The following FAIM2 variants were observed in gnomAD, a reference collection of about 807,000 sequenced individuals.
The protein encoded by FAIM2 is protein lifeguard 2.
Under a neutral mutation model 47.4 loss-of-function variants are expected in FAIM2, and 27 were observed. The ratio of observed to expected loss-of-function variants is 0.57; its 90% confidence interval spans 0.42 to 0.78. The LOEUF (loss-of-function observed/expected upper bound fraction) is 0.78, where lower values mean the gene tolerates loss of function less well. FAIM2 is among the 30% of genes least tolerant of loss of function. The pLI is 0.00. For synonymous variants in FAIM2, 156 were observed against 159.3 expected (o/e 0.98, Z 0.16); for missense variants, 311 against 389.4 (o/e 0.80, Z 1.69).
chr12:49,902,761 C>T (rs1946989989), intron 1 of FAIM2: 2 of 151,932 alleles, frequency 1.3e-5, no homozygotes, highest in African/African-American at 4.8e-5. Flanking sequence ...AGTTCAGCCT[C>T]CACCCTGCCA....
chr12:49,892,173 G>A (rs1461965543), intron 5 of FAIM2, among the ~76,000 whole-genome samples: 1 of 151,952 alleles, frequency 6.6e-6, no homozygotes, highest in Non-Finnish European at 1.5e-5. Flanking sequence ...AGCTCCCTTG[G>A]ATCCCTGCCT....
At position 49,867,869 on chromosome 12, in the gene FAIM2, G is replaced by GCTGCCTACACTGTGGTAC. The variant is rs1354672681; in HGVS notation, c.*2617_*2634dup. The GCTGCCTACACTGTGGTAC allele has an allele frequency of 6.6e-6, 1 of 152,330 alleles. No individual in the cohort carries two copies. The highest frequency in any genetic ancestry group is 1.9e-4 in the East Asian group (1 of 5,196). The allele number at this position is 152,330 out of a possible 1,614,324, so 9.4% of individuals were successfully genotyped here. The stretch of plus-strand genomic sequence containing the variant: ...ACGCATAGACTTTGGCCCTGACCCT[G>GCTGCCTACACTGTGGTAC]CTGCCTACACTGTGGTACCTGCCAC... On this transcript the variant is annotated 3_prime_UTR_variant, in exon 12 of 12. Coordinates refer to ENST00000320634, the MANE Select transcript of FAIM2 (RefSeq NM_012306.4).
chr12:49,898,071 G>A lies in FAIM2; in HGVS notation c.231C>T (p.Asp77=), dbSNP rs776537789. ...YVDPSSSSSY[D]NGFPTGDHEL... ...CATGGTCTCCGGTGGGGAAACCGTTGTCATAGCTGGAGCTGCTGCCTGTGT... is the reference window on the plus strand; with the variant it reads ...CATGGTCTCCGGTGGGGAAACCGTTATCATAGCTGGAGCTGCTGCCTGTGT... Residue 77 remains aspartate (D), a synonymous_variant, in exon 3 of 12, where the codon GAC becomes GAT. Coordinates refer to ENST00000320634, the MANE Select transcript of FAIM2 (RefSeq NM_012306.4). The A allele has an allele frequency of 6.2e-7, 1 of 1,613,932 alleles. No homozygotes were observed. The highest frequency in any genetic ancestry group is 8.5e-7 in the Non-Finnish European group (1 of 1,179,810).
chr12:49,873,464 T>C lies in FAIM2; in HGVS notation c.802-2811A>G, dbSNP rs145905336. On this transcript the variant is annotated intron_variant, in intron 11 of 11. Transcript: ENST00000320634. Reference sequence around the variant, plus strand: ...AAGCAGAAGGCCCAGTGCAAATGCTTTGGGCCACTTGGCAGTCACAGCTGC... The same window carrying C: ...AAGCAGAAGGCCCAGTGCAAATGCTCTGGGCCACTTGGCAGTCACAGCTGC... Among the ~76,000 whole-genome samples the C allele has an allele frequency of 9.2e-4, 140 of 152,218 alleles. 1 individual carries two copies. Among genetic ancestry groups the C allele is most frequent in the African/African-American group, 3.3e-3 (138 of 41,534 alleles).
At chr12:49,887,313 G>C (rs770837123) in intron 11 of FAIM2, 73 bp downstream of exon 11, 3 of 1,357,608 alleles carry the variant, frequency 2.2e-6, no homozygotes, top group Non-Finnish European at 3.1e-6. Flanking sequence ...TGAGGAAGAT[G>C]GGAGGAGAAG....
chr12:49,899,410 C>G (rs1479430037), intron 2 of FAIM2, among the ~76,000 whole-genome samples: 1 of 152,218 alleles, frequency 6.6e-6, no homozygotes, highest in Non-Finnish European at 1.5e-5. Flanking sequence ...TGGCTCCCCA[C>G]TGCCCTTCAC....
chr12:49,890,590 C>G, intron 7 of FAIM2, 93 bp downstream of exon 7: 1 of 1,223,230 alleles, frequency 8.2e-7, no homozygotes, highest in South Asian at 1.2e-5. Context: ...TGGACATCCC[C>G]AGCCCAGTCT....
chr12:49,898,800 T>G (rs148539133), intron 2 of FAIM2, among the ~76,000 whole-genome samples: 1 of 152,250 alleles, frequency 6.6e-6, no homozygotes, highest in East Asian at 1.9e-4. Flanking sequence ...AGTGCTGGGA[T>G]TACAGGTATG....
At chr12:49,889,907 C>T (rs943780187) in intron 8 of FAIM2, among the ~76,000 whole-genome samples, 1 of 152,062 alleles carries the variant, frequency 6.6e-6, no homozygotes, top group African/African-American at 2.4e-5. Context: ...CACCTTGCTC[C>T]CCACCCCCTA....
Position 49,870,498 on chromosome 12 carries a change from G to T in FAIM2, c.*6C>A, listed in dbSNP as rs769695764. The T allele has an allele frequency of 1.1e-5, 17 of 1,613,170 alleles. No homozygotes were observed. The highest frequency in any genetic ancestry group is 1.4e-5 in the Non-Finnish European group (17 of 1,179,278). On this transcript the variant is annotated 3_prime_UTR_variant, in exon 12 of 12. Transcript: ENST00000320634. ...CTCTGGAGGACGGTGGGGCAGGGAG[G>T]GCTCCTCATTCTCGGTTAGTGCCAA... is the stretch of plus-strand genomic sequence containing the variant.
chr12:49,888,759 TG>T (rs1946878595), intron 10 of FAIM2, among the ~76,000 whole-genome samples: 1 of 152,180 alleles, frequency 6.6e-6, no homozygotes, highest in African/African-American at 2.4e-5. Context: ...AAGGCCCCTC[TG>T]GGTCTGGCGG....
chr12:49,880,784 G>C (rs978623480), intron 11 of FAIM2, among the ~76,000 whole-genome samples: 1 of 151,962 alleles, frequency 6.6e-6, no homozygotes, highest in African/African-American at 2.4e-5. Context: ...ATATGAGTGT[G>C]TATGTATATG....
Position 49,867,086 on chromosome 12 carries a change from G to A in FAIM2, c.*3418C>T, listed in dbSNP as rs1946668008. ...TGTGTCTGCCCTCAGGGACTCAGGA[G>A]AACGGCTCAGGGAGGGCTTGGGAGG... On this transcript the variant is annotated 3_prime_UTR_variant, in exon 12 of 12. Coordinates refer to ENST00000320634, the MANE Select transcript of FAIM2 (RefSeq NM_012306.4). 6.6e-6 allele frequency: 1 copy of A among 152,186 alleles called. No homozygotes were observed. The highest frequency in any genetic ancestry group is 2.1e-4 in the South Asian group (1 of 4,816). The allele number at this position is 152,186 out of a possible 1,614,324, so 9.4% of individuals were successfully genotyped here. A position where few individuals can be genotyped will look rare whatever the true frequency, so the allele number is the denominator to read the frequency against.
chr12:49,880,258 A>G (rs1946803609), intron 11 of FAIM2, among the ~76,000 whole-genome samples: 1 of 146,628 alleles, frequency 6.8e-6, no homozygotes. Flanking sequence ...TCATGTGTAT[A>G]TGTGCGTATG....
intron 2 of FAIM2, chr12:49,900,091 A>C: frequency 1.5e-6 from 1 of 685,522 alleles, no homozygotes; most frequent in Non-Finnish European, 2.2e-6. Flanking sequence ...GGGAAGGGGA[A>C]AAGAGAGGGA....
rs1946667934 is a variant in FAIM2, at chr12:49,867,078, A to C, written c.*3426T>G. The C allele has an allele frequency of 2.0e-5, 3 of 152,094 alleles. No individual in the cohort carries two copies. Among genetic ancestry groups the C allele is most frequent in the African/African-American group, 7.2e-5 (3 of 41,456 alleles). The allele number at this position is 152,094 out of a possible 1,614,324, so 9.4% of individuals were successfully genotyped here. ...CCTGGAGCTGTGTCTGCCCTCAGGG[A>C]CTCAGGAGAACGGCTCAGGGAGGGC... On this transcript the variant is annotated 3_prime_UTR_variant, in exon 12 of 12. Coordinates refer to ENST00000320634, the MANE Select transcript of FAIM2 (RefSeq NM_012306.4).
chr12:49,886,932 C>T (rs371011672), intron 11 of FAIM2, among the ~76,000 whole-genome samples: 4 of 152,174 alleles, frequency 2.6e-5, no homozygotes, highest in African/African-American at 4.8e-5. Flanking sequence ...TTCTCAGTTT[C>T]GTGAGAACAG....
At position 49,886,499 on chromosome 12, in the gene FAIM2, G is replaced by A. The variant is rs1042382913; in HGVS notation, c.801+887C>T. Among the ~76,000 whole-genome samples the A allele has an allele frequency of 5.3e-5, 8 of 151,776 alleles. No homozygotes were observed. In the East Asian group the frequency reaches 5.8e-4, roughly 11 times the overall value. Reference sequence around the variant, plus strand: ...TTATTATTATTATTATTTTTGAGACGGAGTCTCACTCTGTTGCCCAGGCTG... The same window carrying A: ...TTATTATTATTATTATTTTTGAGACAGAGTCTCACTCTGTTGCCCAGGCTG... On this transcript the variant is annotated intron_variant, in intron 11 of 11. Transcript: ENST00000320634.
In FAIM2 at chr12:49,874,929, C is replaced by T. The variant is rs1946725707; in HGVS notation, c.802-4276G>A. Among the ~76,000 whole-genome samples the T allele has an allele frequency of 6.6e-6, 1 of 152,120 alleles. No individual in the cohort carries two copies. Among genetic ancestry groups the T allele is most frequent in the Non-Finnish European group, 1.5e-5 (1 of 68,022 alleles). ...GACAGACGCTACTGTGAGAAAAAAG[C>T]AAGTTGTGAAAAATCTATATCGTAT... On this transcript the variant is annotated intron_variant, in intron 11 of 11. Transcript: ENST00000320634. The surrounding 1 kb of genome is among the most constrained non-coding windows in gnomAD (Gnocchi z 4.2).
Sources: allele counts gnomAD v4.1 joint callset (sites outside exome capture counted in the v4.1 genomes callset), GRCh38; gene constraint gnomAD v4.1.1; non-coding constraint Gnocchi (gnomAD v3.1); transcripts MANE v1.5; gene names NCBI Gene and HGNC (gene_info 2026-07-23, HGNC 2026-07-21).